The following MGAM variants were observed in gnomAD, a reference collection of about 807,000 sequenced individuals.
MGAM encodes alpha-1,4-glucosidase.
Under a neutral mutation model 358.8 loss-of-function variants are expected in MGAM, and 253 were observed. The observed-to-expected ratio is 0.71, with a 90% CI of 0.64 to 0.78. The LOEUF is 0.78. Ranked by LOEUF, MGAM falls within the 30% of genes least tolerant of loss-of-function variation. The pLI is 0.00. For missense variants in MGAM, 3,080 were observed against 3,432.6 expected (o/e 0.90, Z 2.57); for synonymous variants, 1,105 against 1,227.1 (o/e 0.90, Z 2.08).
intron 38 of MGAM, 56 bp from the exon 39 acceptor site, chr7:142,065,532 G>A: frequency 6.2e-7 from 1 of 1,614,018 alleles, no homozygotes; most frequent in Non-Finnish European, 8.5e-7. Context: ...TTAGGGAAGA[G>A]GTGAGGAGGC....
At position 142,041,955 on chromosome 7, in the gene MGAM, TATAATATATATATATTATATATATATA is replaced by T. The variant is rs1307326392; in HGVS notation, c.2498+1113_2498+1139del. Among the ~76,000 whole-genome samples, 118 of 25,260 alleles carry T rather than the reference TATAATATATATATATTATATATATATA, an allele frequency of 4.7e-3. 6 individuals are homozygous for T. The highest frequency in any genetic ancestry group is 0.015 in the African/African-American group (109 of 7,278). The allele number at this position is 25,260 out of a possible 152,430, so 16.6% of individuals were successfully genotyped here. A position where few individuals can be genotyped will look rare whatever the true frequency, so the allele number is the denominator to read the frequency against. On this transcript the variant is annotated intron_variant, in intron 21 of 70. Transcript: ENST00000475668. Reference sequence around the variant, plus strand: ...TATATATATTATATATATACATATATATAATATATATATATTATATATATATAATATAATATATATATATTATATATA... The same window carrying T: ...TATATATATTATATATATACATATATATATAATATATATATATTATATATA...
chr7:142,045,456 A>G (rs1167889418), intron 21 of MGAM, among the ~76,000 whole-genome samples: 1 of 112,058 alleles, frequency 8.9e-6, no homozygotes, highest in East Asian at 2.5e-4. Context: ...CCTATAATAC[A>G]TGATATATTA....
intron 3 of MGAM, among the ~76,000 whole-genome samples, chr7:142,017,852 G>T (rs1806095287): frequency 6.6e-6 from 1 of 152,108 alleles, no homozygotes; most frequent in Admixed American, 6.6e-5. Context: ...GTATTCTCCT[G>T]AAAATGTGCT....
chr7:142,020,471 T>TC (rs369680694), intron 4 of MGAM, among the ~76,000 whole-genome samples: 3,980 of 152,124 alleles, frequency 0.026, 62 homozygotes, highest in Non-Finnish European at 0.04. Context: ...GTAATGATGA[T>TC]ATCTAGCTCC....
chr7:142,010,935 T>C (rs1805545852), intron 3 of MGAM, among the ~76,000 whole-genome samples: 1 of 152,188 alleles, frequency 6.6e-6, no homozygotes, highest in Admixed American at 6.6e-5. Context: ...ATCCCATTGA[T>C]GGCAGGGAGC....
At position 142,059,982 on chromosome 7, in the gene MGAM, A is replaced by T; in HGVS notation, c.4059+16A>T. The T allele has an allele frequency of 6.3e-7, 1 of 1,583,922 alleles. No homozygotes were observed. The highest frequency in any genetic ancestry group is 2.3e-5 in the East Asian group (1 of 43,446). On this transcript the variant is annotated intron_variant, in intron 33 of 70. Transcript: ENST00000475668. ...CTGGGGAAAGGTATAATCCTAAGCGATGATCCACTAGTCCCCAGCCTGAGG... is the reference window on the plus strand; with the variant it reads ...CTGGGGAAAGGTATAATCCTAAGCGTTGATCCACTAGTCCCCAGCCTGAGG...
chr7:142,019,600 C>T (rs1479994775), intron 4 of MGAM, among the ~76,000 whole-genome samples: 3 of 152,180 alleles, frequency 2.0e-5, no homozygotes, highest in African/African-American at 7.2e-5. Flanking sequence ...TCAAGTTTAT[C>T]CCTTTTAAAG....
At chr7:142,088,792 T>TC (rs1201709066) in intron 57 of MGAM, among the ~76,000 whole-genome samples, 28 of 133,074 alleles carry the variant, frequency 2.1e-4, no homozygotes, top group East Asian at 9.5e-4. Context: ...TATCTATCTA[T>TC]CTATCTATCA....
In MGAM at chr7:142,072,839, C is replaced by G. The variant is rs1412148853; in HGVS notation, c.5187-1246C>G. 1.4e-5 allele frequency among the ~76,000 whole-genome samples: 2 copies of G among 146,256 alleles called. 1 individual carries two copies. The highest frequency in any genetic ancestry group is 3.1e-5 in the Non-Finnish European group (2 of 64,598). ...ACATTCTGTACCTTGGATTACTAGG[C>G]TTAATAGCCCAATTTTAACCTTGCT... On this transcript the variant is annotated intron_variant, in intron 44 of 70. Transcript: ENST00000475668.
chr7:141,999,641 TATC>T (rs1804577443), intron 1 of MGAM, among the ~76,000 whole-genome samples: 1 of 152,250 alleles, frequency 6.6e-6, no homozygotes, highest in South Asian at 2.1e-4. Context: ...TAACCATTAT[TATC>T]ATTAGCATTA....
rs1480296354 is a variant in MGAM at position 142,044,223 on chromosome 7, G to GATATATA, written c.2498+3378_2498+3379insTATATAA. ...TAATATATACATTATATACACATACGACATATAATATATACATTATATACA... is the reference window on the plus strand; with the variant it reads ...TAATATATACATTATATACACATACGATATATAACATATAATATATACATTATATACA... On this transcript the variant is annotated intron_variant, in intron 21 of 70. Coordinates refer to ENST00000475668, the MANE Select transcript of MGAM (RefSeq NM_001365693.1). Among the ~76,000 whole-genome samples, 25 of 52,510 alleles carry GATATATA rather than the reference G, an allele frequency of 4.8e-4. 2 individuals are homozygous for GATATATA. Among genetic ancestry groups the GATATATA allele is most frequent in the African/African-American group, 5.6e-4 (14 of 24,880 alleles). The allele number at this position is 52,510 out of a possible 152,430, so 34.4% of individuals were successfully genotyped here.
rs747832072 is a variant in MGAM at position 142,082,572 on chromosome 7, G to C, written c.6268+1G>C. The C allele has an allele frequency of 7.3e-6, 11 of 1,509,102 alleles. No individual in the cohort carries two copies. The highest frequency in any genetic ancestry group is 9.9e-6 in the Non-Finnish European group (11 of 1,107,192). 93.5% of individuals were successfully genotyped at this position (1,509,102 alleles called of 1,614,324 possible). Reference sequence around the variant, plus strand: ...CTCCTGCTGAACAGCAATGCCATGGGTAAGGCCATCCAGCGCCTCCCTTAT... The same window carrying C: ...CTCCTGCTGAACAGCAATGCCATGGCTAAGGCCATCCAGCGCCTCCCTTAT... On this transcript the variant is annotated splice_donor_variant, in intron 52 of 70. Coordinates refer to ENST00000475668, the MANE Select transcript of MGAM (RefSeq NM_001365693.1). LOFTEE classifies it high-confidence loss of function.
intron 6 of MGAM, 70 bp downstream of exon 6, chr7:142,021,807 G>A (rs571969109): frequency 2.7e-6 from 4 of 1,509,212 alleles, no homozygotes; most frequent in Non-Finnish European, 3.7e-6. Context: ...CATGAAGAAG[G>A]GGGTGTTTCA....
chr7:142,089,664 G>A lies in MGAM; in HGVS notation c.6811-2249G>A, dbSNP rs558511287. Among the ~76,000 whole-genome samples the A allele has an allele frequency of 2.1e-5, 3 of 145,272 alleles. 1 individual carries two copies. The highest frequency in any genetic ancestry group is 4.7e-5 in the Non-Finnish European group (3 of 64,166). On this transcript the variant is annotated intron_variant, in intron 57 of 70. Transcript: ENST00000475668. ...AAGTTAGCCAGGCGTGGTGGCACGC[G>A]CCTGTAATCCCACTTAGGAGGCTGA...
At chr7:142,046,820 A>G (rs1810454443) in intron 21 of MGAM, among the ~76,000 whole-genome samples, 1 of 152,082 alleles carries the variant, frequency 6.6e-6, no homozygotes, top group South Asian at 2.1e-4. Context: ...CTCCTAGAAT[A>G]TCCTAACTTT....
intron 29 of MGAM, 113 bp downstream of exon 29, chr7:142,056,209 A>T: frequency 1.1e-6 from 1 of 919,258 alleles, no homozygotes; most frequent in Non-Finnish European, 1.6e-6. Flanking sequence ...TTTTACGGGC[A>T]CTGCTGTTTA....
At chr7:142,024,204 G>T (rs1806734226) in intron 7 of MGAM, among the ~76,000 whole-genome samples, 1 of 151,974 alleles carries the variant, frequency 6.6e-6, no homozygotes, top group Non-Finnish European at 1.5e-5. Flanking sequence ...ACTCCAGCCT[G>T]GGTGACAGAG....
chr7:142,095,465 G>A, intron 63 of MGAM, 100 bp from the exon 64 acceptor site: 2 of 1,538,490 alleles, frequency 1.3e-6, no homozygotes, highest in Non-Finnish European at 1.8e-6. Context: ...CTTTTGTTTA[G>A]CTGTGAGTGA....
chr7:142,093,936 T>A (rs1055141146), intron 60 of MGAM, among the ~76,000 whole-genome samples: 3 of 145,648 alleles, frequency 2.1e-5, no homozygotes, highest in African/African-American at 7.3e-5. Flanking sequence ...GAGTTCTTTT[T>A]TGTTTTTCAC....
Sources: gnomAD v4.1 joint callset for allele counts (sites outside exome capture counted in the v4.1 genomes callset) on GRCh38, gnomAD v4.1.1 for gene constraint, MANE v1.5 for transcripts, NCBI Gene and HGNC (gene_info 2026-07-23, HGNC 2026-07-21) for gene names.